TMEM272: variants seen among roughly 807,000 people sequenced by gnomAD.
TMEM272 encodes the protein transmembrane protein 272.
TMEM272 carries 8 observed loss-of-function variants against 3.7 expected under a neutral mutation model. That is an observed-to-expected ratio of 2.17 (90% CI 1.27 to 3.91). TMEM272 has a LOEUF of 3.91. Ranked by LOEUF, TMEM272 falls within the 30% of genes most tolerant of loss-of-function variation. The pLI is 0.00. For missense variants in TMEM272, 166 were observed against 91.5 expected (o/e 1.81, Z -3.32); for synonymous variants, 63 against 39.8 (o/e 1.58, Z -2.20).
intron 1 of TMEM272, among the ~76,000 whole-genome samples, chr13:51,840,157 C>T (rs148658675): frequency 1.4e-3 from 220 of 152,152 alleles, no homozygotes; most frequent in African/African-American, 4.9e-3. Context: ...ATGAGGCCTC[C>T]GAGACTCTAT....
At chr13:51,931,112 G>A in the TMEM272 span, among the ~76,000 whole-genome samples, 4 of 152,146 alleles carry the variant, frequency 2.6e-5, no homozygotes, top group Admixed American at 2.6e-4. Context: ...TCAAGTTTTA[G>A]AAAGTATCCA....
chr13:51,844,148 T>C (rs1956284207), intron 1 of TMEM272, among the ~76,000 whole-genome samples: 1 of 146,176 alleles, frequency 6.8e-6, no homozygotes, highest in African/African-American at 2.5e-5. Context: ...AGTTCAAATT[T>C]GTAAAATTCT....
intron 3 of TMEM272, 44 bp from the exon 4 acceptor site, chr13:51,822,181 G>C (rs1181369706): frequency 4.5e-6 from 3 of 659,436 alleles, no homozygotes; most frequent in Non-Finnish European, 8.2e-6. Flanking sequence ...ATACATTCGA[G>C]AGCACAAAGC....
chr13:51,906,084 A>T, the TMEM272 span, among the ~76,000 whole-genome samples: 2 of 152,250 alleles, frequency 1.3e-5, no homozygotes, highest in East Asian at 3.9e-4. Context: ...AGGGACTGAA[A>T]TCTTCTCCTA....
chr13:51,905,739 CA>C, the TMEM272 span, among the ~76,000 whole-genome samples: 1 of 152,188 alleles, frequency 6.6e-6, no homozygotes, highest in African/African-American at 2.4e-5. Context: ...CCTTGGTTTC[CA>C]AAGAAACAGA....
At chr13:51,867,942 G>A in the TMEM272 span, among the ~76,000 whole-genome samples, 1 of 152,172 alleles carries the variant, frequency 6.6e-6, no homozygotes, top group East Asian at 1.9e-4. Context: ...CAGAGATTCT[G>A]CCAAAGACAA....
intron 1 of TMEM272, among the ~76,000 whole-genome samples, chr13:51,842,036 A>AACAC (rs140382483): frequency 9.2e-5 from 14 of 151,742 alleles, no homozygotes; most frequent in Non-Finnish European, 1.9e-4. Flanking sequence ...TAAAATGTTA[A>AACAC]ACACACACAC....
the TMEM272 span, among the ~76,000 whole-genome samples, chr13:51,878,939 A>G: frequency 7.2e-5 from 11 of 152,380 alleles, no homozygotes; most frequent in African/African-American, 2.6e-4. Context: ...TTCTCATGAC[A>G]GGTTGATTTG....
the TMEM272 span, among the ~76,000 whole-genome samples, chr13:51,907,074 T>G: frequency 6.6e-6 from 1 of 152,228 alleles, no homozygotes; most frequent in South Asian, 2.1e-4. Context: ...AGCAGGGATC[T>G]GGGGTGCATC....
the TMEM272 span, among the ~76,000 whole-genome samples, chr13:51,891,843 T>C: frequency 1.2e-3 from 185 of 152,242 alleles, 1 homozygote; most frequent in African/African-American, 4.2e-3. Context: ...CAGGATTGTT[T>C]GCCCACTGGG....
chr13:51,861,847 C>T, the TMEM272 span: 3 of 152,362 alleles, frequency 2.0e-5, no homozygotes, highest in Non-Finnish European at 4.4e-5. Flanking sequence ...TGGAAAGCAG[C>T]AAGAGAAGTG....
chr13:51,880,175 G>A, the TMEM272 span, among the ~76,000 whole-genome samples: 1 of 151,938 alleles, frequency 6.6e-6, no homozygotes, highest in Non-Finnish European at 1.5e-5. Flanking sequence ...ACAAATGATA[G>A]AGTCTAGTTT....
the TMEM272 span, among the ~76,000 whole-genome samples, chr13:51,925,481 G>C: frequency 2.6e-5 from 4 of 151,966 alleles, no homozygotes. Context: ...TAGATGGTTT[G>C]TTTATAAATA....
At chr13:51,891,753 T>C in the TMEM272 span, among the ~76,000 whole-genome samples, 1 of 152,182 alleles carries the variant, frequency 6.6e-6, no homozygotes, top group African/African-American at 2.4e-5. Flanking sequence ...CTGTGTCTTA[T>C]TCATTTTTGA....
the TMEM272 span, chr13:51,865,805 T>G: frequency 6.2e-7 from 1 of 1,614,090 alleles, no homozygotes; most frequent in Non-Finnish European, 8.5e-7. Context: ...CAATGCCTTA[T>G]GGGAAAGAGA....
chr13:51,866,870 T>A, the TMEM272 span, among the ~76,000 whole-genome samples: 1 of 152,216 alleles, frequency 6.6e-6, no homozygotes, highest in Non-Finnish European at 1.5e-5. Flanking sequence ...TCCCTGTGTT[T>A]CTGTATTATA....
At chr13:51,855,412 T>C in the TMEM272 span, among the ~76,000 whole-genome samples, 1 of 151,158 alleles carries the variant, frequency 6.6e-6, no homozygotes, top group African/African-American at 2.4e-5. Context: ...TCTATCAAAA[T>C]AACAAGCCGT....
the TMEM272 span, among the ~76,000 whole-genome samples, chr13:51,851,394 GGAGGAA>G: frequency 2.0e-5 from 3 of 149,872 alleles, no homozygotes; most frequent in Non-Finnish European, 4.4e-5. Context: ...AGGAGGAGGA[GGAGGAA>G]GAAGAAGAAC....
chr13:51,913,759 T>C, the TMEM272 span, among the ~76,000 whole-genome samples: 1 of 152,172 alleles, frequency 6.6e-6, no homozygotes, highest in Non-Finnish European at 1.5e-5. Flanking sequence ...CTGGAAAAGA[T>C]GTCTGCAGTA....
Sources: gnomAD v4.1 joint callset for allele counts (sites outside exome capture counted in the v4.1 genomes callset) on GRCh38, gnomAD v4.1.1 for gene constraint, MANE v1.5 for transcripts, NCBI Gene and HGNC (gene_info 2026-07-23, HGNC 2026-07-21) for gene names.